The following SLC22A25 variants were observed in gnomAD, a reference collection of about 807,000 sequenced individuals.
SLC22A25 encodes solute carrier family 22 member 25, also known as MGI:2442751, MGI:2385316, MGI:3042283, MGI:3645714, MGI:3605624, MGI:2442750.
SLC22A25 carries 44 observed loss-of-function variants against 45.9 expected under a neutral mutation model. The ratio of observed to expected loss-of-function variants is 0.96; its 90% CI spans 0.75 to 1.23. The LOEUF is 1.23. SLC22A25 is among the 50% of genes most tolerant of loss of function. The pLI is 0.00. For synonymous variants in SLC22A25, 283 were observed against 238.6 expected, an observed-to-expected ratio of 1.19 and a Z score of -1.72; for missense variants, 800 against 666.4, an observed-to-expected ratio of 1.20 and a Z score of -2.21.
At chr11:63,178,567 G>A (rs1280602398) in intron 9 of SLC22A25, among the ~76,000 whole-genome samples, 2 of 151,274 alleles carry the variant, frequency 1.3e-5, no homozygotes, top group Non-Finnish European at 2.9e-5. Context: ...GTGATTAACT[G>A]TATTGAGCAT....
chr11:63,165,885 C>A (rs2087662094), intron 10 of SLC22A25, among the ~76,000 whole-genome samples, 159 bp downstream of exon 10: 1 of 152,206 alleles, frequency 6.6e-6, no homozygotes, highest in Non-Finnish European at 1.5e-5. Context: ...CCAGCAACTT[C>A]CGTGTGGCAA....
At chr11:63,225,146 G>A (rs963903367) in intron 5 of SLC22A25, among the ~76,000 whole-genome samples, 1 of 152,026 alleles carries the variant, frequency 6.6e-6, no homozygotes, top group Non-Finnish European at 1.5e-5. Context: ...AAATAAAAAA[G>A]TTGTTTTAGT....
At chr11:63,165,002 A>C (rs1238375166) in intron 10 of SLC22A25, among the ~76,000 whole-genome samples, 1 of 152,116 alleles carries the variant, frequency 6.6e-6, no homozygotes, top group Non-Finnish European at 1.5e-5. Context: ...GGGCAATACT[A>C]GGGAGTGTAA....
chr11:63,201,602 A>T (rs2089245654), intron 7 of SLC22A25, among the ~76,000 whole-genome samples: 3 of 152,188 alleles, frequency 2.0e-5, no homozygotes, highest in African/African-American at 7.2e-5. Context: ...GCACAGGAAA[A>T]GATTTCATGA....
intron 7 of SLC22A25, among the ~76,000 whole-genome samples, chr11:63,211,444 G>C (rs1262256470): frequency 1.3e-5 from 2 of 152,100 alleles, no homozygotes; most frequent in African/African-American, 4.8e-5. Flanking sequence ...AGGCCACGTG[G>C]TTCACATGTC....
chr11:63,210,744 A>C (rs552586486), intron 7 of SLC22A25, among the ~76,000 whole-genome samples: 8 of 152,144 alleles, frequency 5.3e-5, no homozygotes, highest in African/African-American at 1.9e-4. Flanking sequence ...AACTCACCCA[A>C]TTAGCCCCTC....
At position 63,166,250 on chromosome 11, in the gene SLC22A25, CT is replaced by C; in HGVS notation, c.1078del (p.Ser360ValfsTer41). 6.2e-7 allele frequency: 1 copy of C among 1,613,884 alleles called. No individual in the cohort carries two copies. The highest frequency in any genetic ancestry group is 8.5e-7 in the Non-Finnish European group (1 of 1,179,900). ...AGTAAGGCCCCAAAAAGGGATGGTACTTGCAAATCTGCAGGGAACACAGAAA... is the reference window on the plus strand; with the variant it reads ...AGTAAGGCCCCAAAAAGGGATGGTACTGCAAATCTGCAGGGAACACAGAAA... The part of the protein sequence containing the change: ...ICFLSFVRFA[S>X]TIPFWGLTLH... On this transcript the variant is annotated frameshift_variant, in exon 10 of 12. Transcript: ENST00000306494. LOFTEE classifies it high-confidence loss of function.
intron 10 of SLC22A25, 65 bp downstream of exon 10, chr11:63,165,979 C>T: frequency 6.4e-7 from 1 of 1,567,762 alleles, no homozygotes; most frequent in Admixed American, 1.7e-5. Context: ...ATAGGTGTGA[C>T]CAGGGCAATC....
In SLC22A25 at chr11:63,229,668, G is replaced by C; in HGVS notation, c.-16C>G. 6.3e-7 allele frequency: 1 copy of C among 1,594,124 alleles called. No homozygotes were observed. The highest frequency in any genetic ancestry group is 8.6e-7 in the Non-Finnish European group (1 of 1,164,544). ...GAAAGGCCATTGAGGCTGGACAAGT[G>C]ATCCCCAAGAGGAGACAAAATGACT... On this transcript the variant is annotated 5_prime_UTR_variant, in exon 4 of 12. It adds an upstream start codon to the 5' untranslated region. Transcript: ENST00000306494.
At chr11:63,176,111 A>T (rs2088079898) in intron 9 of SLC22A25, among the ~76,000 whole-genome samples, 1 of 152,024 alleles carries the variant, frequency 6.6e-6, no homozygotes, top group South Asian at 2.1e-4. Flanking sequence ...ATAGTGTTTT[A>T]AACTACTGTT....
intron 8 of SLC22A25, among the ~76,000 whole-genome samples, chr11:63,181,150 C>T (rs141664655): frequency 6.6e-6 from 1 of 152,042 alleles, no homozygotes; most frequent in Non-Finnish European, 1.5e-5. Context: ...AGCTGAACTG[C>T]CTTTGGTGAA....
At chr11:63,235,704 G>C (rs2090151258) in intron 3 of SLC22A25, among the ~76,000 whole-genome samples, 1 of 152,164 alleles carries the variant, frequency 6.6e-6, no homozygotes, top group Admixed American at 6.5e-5. Context: ...CGTTCCTTTA[G>C]AGAGGAGAGG....
At chr11:63,242,518 A>G (rs61134858) in intron 1 of SLC22A25, among the ~76,000 whole-genome samples, 2,478 of 152,308 alleles carry the variant, frequency 0.016, 67 homozygotes, top group African/African-American at 0.057. Flanking sequence ...TAGGTCTGAC[A>G]TAAGTTATTT....
Position 63,158,730 on chromosome 11 carries a change from C to T in SLC22A25, c.*5094G>A, listed in dbSNP as rs984642278. Among the ~76,000 whole-genome samples the T allele has an allele frequency of 1.3e-5, 2 of 152,230 alleles. No homozygotes were observed. The highest frequency in any genetic ancestry group is 2.4e-5 in the African/African-American group (1 of 41,540). On this transcript the variant is annotated 3_prime_UTR_variant, in exon 12 of 12. Coordinates refer to ENST00000306494, the MANE Select transcript of SLC22A25 (RefSeq NM_199352.6). ...CAGCATGGGGTATCTGTCCCTCAAG[C>T]GTTTATTCTTTGTGATTACAAACAA...
chr11:63,168,528 T>A (rs2087764799), intron 9 of SLC22A25, among the ~76,000 whole-genome samples: 1 of 152,022 alleles, frequency 6.6e-6, no homozygotes, highest in Non-Finnish European at 1.5e-5. Context: ...CATACACAAG[T>A]ATCAATAGCT....
intron 7 of SLC22A25, among the ~76,000 whole-genome samples, chr11:63,206,101 ACT>A (rs774349013): frequency 6.6e-6 from 1 of 152,086 alleles, no homozygotes; most frequent in Non-Finnish European, 1.5e-5. Flanking sequence ...CATGCTAAAA[ACT>A]CTCAATAAAC....
At chr11:63,199,385 A>C (rs955046791) in intron 7 of SLC22A25, among the ~76,000 whole-genome samples, 3 of 152,148 alleles carry the variant, frequency 2.0e-5, no homozygotes, top group Non-Finnish European at 4.4e-5. Flanking sequence ...GACCAATAAC[A>C]AGCTCTGAAA....
chr11:63,229,563 T>G lies in SLC22A25; in HGVS notation c.90A>C (p.Ile30=). Residue 30 remains isoleucine, a synonymous_variant, in exon 4 of 12, where the codon ATA becomes ATC. Transcript: ENST00000306494. ...TCTCCAGCTGAGTTTGATGGTATAC[T>G]ATGACGTTGAACATTATAAGGAAAA... ...QMVFLIMFNV[I]VYHQTQLENF... 1 of 1,614,090 alleles carries G rather than the reference T, an allele frequency of 6.2e-7. No individual in the cohort carries two copies. The highest frequency in any genetic ancestry group is 1.3e-5 in the African/African-American group (1 of 75,028).
chr11:63,219,803 T>C, intron 5 of SLC22A25: 1 of 691,978 alleles, frequency 1.4e-6, no homozygotes, highest in African/African-American at 1.8e-5. Flanking sequence ...AAAATTGGTT[T>C]ATCTGCATTT....
Sources: allele counts gnomAD v4.1 joint callset (sites outside exome capture counted in the v4.1 genomes callset), GRCh38; gene constraint gnomAD v4.1.1; transcripts MANE v1.5; gene names NCBI Gene and HGNC (gene_info 2026-07-23, HGNC 2026-07-21).